Variants in PLPPR5 observed in about 807,000 individuals in gnomAD.
PLPPR5 encodes the protein phospholipid phosphatase related 5, also known as phospholipid phosphatase-related protein type 5.
PLPPR5 carries 16 observed loss-of-function variants against 33.9 expected under a neutral mutation model. The ratio of observed to expected loss-of-function variants is 0.47; its 90% CI spans 0.32 to 0.72. The LOEUF is 0.72. Ranked by LOEUF, PLPPR5 falls within the 30% of genes least tolerant of loss-of-function variation. The pLI is 0.03. For synonymous variants in PLPPR5, 163 were observed against 150.3 expected (o/e 1.08, Z -0.62); for missense variants, 301 against 406.7 (o/e 0.74, Z 2.23).
intron 5 of PLPPR5, among the ~76,000 whole-genome samples, chr1:98,903,933 T>C (rs540049558): frequency 2.0e-5 from 3 of 152,198 alleles, no homozygotes; most frequent in African/African-American, 7.2e-5. Context: ...TGTAATCTTA[T>C]AAAATCTACA....
intron 5 of PLPPR5, among the ~76,000 whole-genome samples, chr1:98,913,915 T>C (rs1275555793): frequency 6.6e-6 from 1 of 152,200 alleles, no homozygotes; most frequent in Non-Finnish European, 1.5e-5. Flanking sequence ...CCATGCCTAA[T>C]GAGGCCTTGG....
At chr1:98,953,652 G>A (rs555457481) in intron 2 of PLPPR5, among the ~76,000 whole-genome samples, 1 of 152,138 alleles carries the variant, frequency 6.6e-6, no homozygotes, top group African/African-American at 2.4e-5. Context: ...TTCCTTGAGA[G>A]GGTATAGTCT....
intron 2 of PLPPR5, among the ~76,000 whole-genome samples, chr1:98,954,078 G>GT (rs1443202569): frequency 6.6e-6 from 1 of 152,128 alleles, no homozygotes; most frequent in Non-Finnish European, 1.5e-5. Context: ...TTACCTGAAG[G>GT]TATAGAACTA....
At chr1:98,903,470 G>C (rs1648777394) in intron 5 of PLPPR5, among the ~76,000 whole-genome samples, 1 of 152,102 alleles carries the variant, frequency 6.6e-6, no homozygotes. Flanking sequence ...AATCATATTT[G>C]TCTTGGCAAG....
At chr1:98,917,704 T>G (rs1649409310) in intron 4 of PLPPR5, among the ~76,000 whole-genome samples, 1 of 152,152 alleles carries the variant, frequency 6.6e-6, no homozygotes, top group Admixed American at 6.5e-5. Flanking sequence ...GCTGGGATGG[T>G]TTATTTTGTT....
intron 3 of PLPPR5, among the ~76,000 whole-genome samples, chr1:98,928,919 T>G (rs1649864569): frequency 6.6e-6 from 1 of 152,090 alleles, no homozygotes; most frequent in Admixed American, 6.6e-5. Flanking sequence ...AATATATATA[T>G]AGCCTATTTT....
Position 99,001,671 on chromosome 1 carries a change from GATATATATAT to G in PLPPR5, c.237+2754_237+2763del, listed in dbSNP as rs55722150. 1.3e-3 allele frequency among the ~76,000 whole-genome samples: 135 copies of G among 102,192 alleles called. 1 individual carries two copies. Among genetic ancestry groups the G allele is most frequent in the South Asian group, 0.011 (34 of 3,024 alleles). 67.0% of individuals were successfully genotyped at this position (102,192 alleles called of 152,430 possible). ...ACTAGAAATGAGTTTGAAAGTTAAA[GATATATATAT>G]ATATATATATATATATATATATATG... On this transcript the variant is annotated intron_variant, in intron 1 of 5. Transcript: ENST00000263177.
At chr1:98,952,272 A>G (rs1057261872) in intron 3 of PLPPR5, among the ~76,000 whole-genome samples, 2 of 151,930 alleles carry the variant, frequency 1.3e-5, no homozygotes, top group African/African-American at 4.8e-5. Context: ...CAGAAAAAAA[A>G]AAAAAAAAAA....
intron 3 of PLPPR5, among the ~76,000 whole-genome samples, chr1:98,946,143 G>A (rs1650541675): frequency 6.6e-6 from 1 of 152,124 alleles, no homozygotes; most frequent in African/African-American, 2.4e-5. Flanking sequence ...TTGATTTTAT[G>A]CCCAAGATTC....
chr1:98,929,678 C>T (rs1649896348), intron 3 of PLPPR5, among the ~76,000 whole-genome samples: 1 of 152,184 alleles, frequency 6.6e-6, no homozygotes, highest in Non-Finnish European at 1.5e-5. Flanking sequence ...TCATCACAGA[C>T]ACATTTACCT....
intron 1 of PLPPR5, among the ~76,000 whole-genome samples, chr1:98,961,798 C>T (rs1010747879): frequency 3.9e-5 from 6 of 152,072 alleles, no homozygotes; most frequent in Non-Finnish European, 8.8e-5. Context: ...GAGTTACAGA[C>T]CTAAGTTCTA....
At chr1:98,943,897 A>T (rs1650464229) in intron 3 of PLPPR5, among the ~76,000 whole-genome samples, 1 of 152,174 alleles carries the variant, frequency 6.6e-6, no homozygotes, top group South Asian at 2.1e-4. Context: ...CAAAAAGAGG[A>T]TGAGGAACAG....
At chr1:98,906,621 G>A (rs1422541902) in intron 5 of PLPPR5, among the ~76,000 whole-genome samples, 2 of 152,132 alleles carry the variant, frequency 1.3e-5, no homozygotes, top group Non-Finnish European at 1.5e-5. Flanking sequence ...ACTGGAGTAG[G>A]AAGAACACTC....
intron 1 of PLPPR5, among the ~76,000 whole-genome samples, chr1:98,975,827 T>C (rs527669911): frequency 6.6e-6 from 1 of 152,052 alleles, no homozygotes; most frequent in Admixed American, 6.6e-5. Context: ...CTGTTGAGGG[T>C]AGTGGTGAAC....
chr1:98,915,005 C>A (rs1475555099), intron 4 of PLPPR5, 85 bp from the exon 5 acceptor site: 4 of 1,263,814 alleles, frequency 3.2e-6, no homozygotes, highest in Non-Finnish European at 4.3e-6. Flanking sequence ...TAAAGCTAAG[C>A]ATGTAAGAAA....
intron 2 of PLPPR5, among the ~76,000 whole-genome samples, chr1:98,954,591 CA>C (rs1181951318): frequency 6.6e-6 from 1 of 151,984 alleles, no homozygotes; most frequent in African/African-American, 2.4e-5. Flanking sequence ...AGTTTACATA[CA>C]AAAACCCCCA....
At position 98,956,634 on chromosome 1, in the gene PLPPR5, C is replaced by A. The variant is rs772514847; in HGVS notation, c.345G>T (p.Leu115=). ...LTGDCCYINP[L]VRRTVRFLGI... is the part of the protein sequence containing the mutation. ...CAAGAAATCGGACAGTTCGGCGCAC[C>A]AGCGGGTTTATATAGCAACAGTCTC... The change falls in exon 2 of 6, where the codon CTG becomes CTT. Residue 115 remains leucine (L), a synonymous_variant. Transcript: ENST00000263177. 1.3e-6 allele frequency: 2 copies of A among 1,590,420 alleles called. No individual in the cohort carries two copies. Among genetic ancestry groups the A allele is most frequent in the South Asian group, 1.2e-5 (1 of 85,880 alleles).
Position 98,893,058 on chromosome 1 carries a change from C to T in PLPPR5, c.*14G>A. 1 of 1,610,552 alleles carries T rather than the reference C, an allele frequency of 6.2e-7. No homozygotes were observed. Among genetic ancestry groups the T allele is most frequent in the Non-Finnish European group, 8.5e-7 (1 of 1,177,972 alleles). ...GATGATGTCCAATGCAGTGAAAAACCATCTGCTTCGATATCATGTGACTTC... is the reference window on the plus strand; with the variant it reads ...GATGATGTCCAATGCAGTGAAAAACTATCTGCTTCGATATCATGTGACTTC... On this transcript the variant is annotated 3_prime_UTR_variant, in exon 6 of 6. Transcript: ENST00000263177.
chr1:98,967,283 A>T (rs1378009768), intron 1 of PLPPR5, among the ~76,000 whole-genome samples: 3 of 152,136 alleles, frequency 2.0e-5, no homozygotes, highest in Non-Finnish European at 4.4e-5. Context: ...AGGATGGCTC[A>T]CTTAACCAAT....
Sources: allele counts gnomAD v4.1 joint callset (sites outside exome capture counted in the v4.1 genomes callset), GRCh38; gene constraint gnomAD v4.1.1; transcripts MANE v1.5; gene names NCBI Gene and HGNC (gene_info 2026-07-23, HGNC 2026-07-21).